TRPC3: variants seen among roughly 807,000 people sequenced by gnomAD.
TRPC3 encodes the protein short transient receptor potential channel 3.
Under a neutral mutation model 90.9 loss-of-function variants are expected in TRPC3, and 54 were observed. The ratio of observed to expected loss-of-function variants is 0.59; its 90% confidence interval spans 0.48 to 0.75. The LOEUF (loss-of-function observed/expected upper bound fraction) is 0.75, where lower values mean the gene tolerates loss of function less well. Among genes scored for constraint, TRPC3 ranks in the 30% least tolerant of loss-of-function variants. The pLI is 0.00. For missense variants in TRPC3, 918 were observed against 1,194.5 expected (o/e 0.77, Z 3.41); for synonymous variants, 424 against 450.9 (o/e 0.94, Z 0.75).
Position 121,925,040 on chromosome 4 carries a change from G to A in TRPC3, c.1154C>T (p.Ala385Val), listed in dbSNP as rs1341350969. ...HKASLSRVKL[A>V]IKYEVKKFVA... The stretch of plus-strand genomic sequence containing the variant: ...CACCTTTTTGACTTCATACTTAATG[G>A]CAAGTTTGACACGACTTAATGAAGC... The change falls in exon 3 of 12, where the codon GCC (alanine) becomes GTC (valine). Residue 385 changes from alanine (A) to valine (V), a missense_variant. Ala to Val is a moderately conservative substitution (Grantham distance 64, BLOSUM62 0). Coordinates refer to ENST00000379645, the MANE Select transcript of TRPC3 (RefSeq NM_001130698.2). 6.2e-7 allele frequency: 1 copy of A among 1,612,508 alleles called. No individual in the cohort carries two copies. The highest frequency in any genetic ancestry group is 8.5e-7 in the Non-Finnish European group (1 of 1,179,436).
chr4:121,888,732 C>A (rs530206646), intron 10 of TRPC3, among the ~76,000 whole-genome samples: 167 of 152,084 alleles, frequency 1.1e-3, no homozygotes, highest in Admixed American at 5.0e-3. Flanking sequence ...TAAGTCTTAC[C>A]TATTATAATC....
rs1407885910 is a variant in TRPC3 at position 121,874,659 on chromosome 4, CT to C, written c.*5076del. 6.6e-6 allele frequency among the ~76,000 whole-genome samples: 1 copy of C among 152,164 alleles called. No individual in the cohort carries two copies. Among genetic ancestry groups the C allele is most frequent in the Non-Finnish European group, 1.5e-5 (1 of 68,026 alleles). On this transcript the variant is annotated 3_prime_UTR_variant, in exon 12 of 12. Transcript: ENST00000379645. Reference sequence around the variant, plus strand: ...TATGTCTGTCTGTGTCTCATCTTGTCTTTTTATAAGCACACCAGTCATATTA... The same window carrying C: ...TATGTCTGTCTGTGTCTCATCTTGTCTTTTATAAGCACACCAGTCATATTA...
At chr4:121,882,003 T>C (rs1727959642) in intron 11 of TRPC3, among the ~76,000 whole-genome samples, 1 of 152,128 alleles carries the variant, frequency 6.6e-6, no homozygotes, top group African/African-American at 2.4e-5. Context: ...TTTTATCTGC[T>C]TAACTGGAAA....
At chr4:121,926,929 G>A (rs1405638066) in intron 2 of TRPC3, among the ~76,000 whole-genome samples, 2 of 152,170 alleles carry the variant, frequency 1.3e-5, no homozygotes, top group Non-Finnish European at 2.9e-5. Context: ...AGCAATCTCT[G>A]TGTGTTTTCA....
chr4:121,910,920 G>T (rs1346849961), intron 5 of TRPC3, among the ~76,000 whole-genome samples: 1 of 152,052 alleles, frequency 6.6e-6, no homozygotes, highest in Non-Finnish European at 1.5e-5. Flanking sequence ...AATATCGTTT[G>T]AAAAAGATGA....
At chr4:121,883,456 C>T (rs547667181) in intron 10 of TRPC3, among the ~76,000 whole-genome samples, 1 of 152,008 alleles carries the variant, frequency 6.6e-6, no homozygotes, top group South Asian at 2.1e-4. Flanking sequence ...TCAAATAACC[C>T]GATTTTAAAA....
At chr4:121,948,185 A>AAC (rs1730558103) in intron 1 of TRPC3, among the ~76,000 whole-genome samples, 1 of 151,882 alleles carries the variant, frequency 6.6e-6, no homozygotes, top group Admixed American at 6.6e-5. Context: ...AAGAAAAAAA[A>AAC]AAAAAACAAA....
intron 1 of TRPC3, among the ~76,000 whole-genome samples, chr4:121,948,767 G>T (rs897605855): frequency 1.3e-5 from 2 of 151,550 alleles, no homozygotes; most frequent in African/African-American, 4.9e-5. Context: ...GGCCCATAAA[G>T]GTTTCCTTGA....
intron 3 of TRPC3, among the ~76,000 whole-genome samples, chr4:121,916,538 G>A (rs1729323908): frequency 1.3e-5 from 2 of 152,146 alleles, no homozygotes; most frequent in Admixed American, 1.3e-4. Flanking sequence ...TCATGAGGGA[G>A]GAGCCTTCAT....
chr4:121,913,411 C>G (rs1255041964), intron 4 of TRPC3, among the ~76,000 whole-genome samples: 1 of 152,174 alleles, frequency 6.6e-6, no homozygotes, highest in Non-Finnish European at 1.5e-5. Context: ...TACGGCAGCT[C>G]TAAACATGGG....
chr4:121,885,582 A>G (rs1424630956), intron 10 of TRPC3, among the ~76,000 whole-genome samples: 1 of 152,186 alleles, frequency 6.6e-6, no homozygotes, highest in Admixed American at 6.5e-5. Flanking sequence ...CTCAAATAAT[A>G]TAACTATTAT....
intron 10 of TRPC3, among the ~76,000 whole-genome samples, chr4:121,894,494 C>T (rs1728441151): frequency 1.3e-5 from 2 of 150,226 alleles, no homozygotes; most frequent in African/African-American, 2.4e-5. Flanking sequence ...TACACCAAGA[C>T]CAATGGACCA....
Position 121,951,784 on chromosome 4 carries a change from TCCGGGGCC to T in TRPC3, c.-112_-105del. ...CGCCCCTTCACCACCTCCCGCGGCTTCCGGGGCCCCGGGCGGCCCAGGGCGGGAAGGCA... is the reference window on the plus strand; with the variant it reads ...CGCCCCTTCACCACCTCCCGCGGCTTCCGGGCGGCCCAGGGCGGGAAGGCA... On this transcript the variant is annotated 5_prime_UTR_variant, in exon 1 of 12. Transcript: ENST00000379645. This position sits in a 1 kb window ranked among gnomAD's most constrained non-coding sequence, Gnocchi z 4.4. 1.4e-5 allele frequency: 14 copies of T among 1,005,008 alleles called. No homozygotes were observed. The highest frequency in any genetic ancestry group is 1.8e-5 in the Non-Finnish European group (14 of 763,096). The allele number at this position is 1,005,008 out of a possible 1,614,324, so 62.3% of individuals were successfully genotyped here.
chr4:121,925,280 G>C, intron 2 of TRPC3, 74 bp from the exon 3 acceptor site: 1 of 1,455,390 alleles, frequency 6.9e-7, no homozygotes, highest in South Asian at 1.4e-5. Context: ...GGGTGAATTA[G>C]AAAAAGGTAT....
intron 3 of TRPC3, among the ~76,000 whole-genome samples, chr4:121,923,298 C>T (rs996566856): frequency 6.6e-6 from 1 of 152,154 alleles, no homozygotes; most frequent in African/African-American, 2.4e-5. Context: ...CAGCACTGTG[C>T]CTGGTTCTGG....
In TRPC3 at chr4:121,914,836, C is replaced by G; in HGVS notation, c.1285G>C (p.Val429Leu). ...IAIKCLVVLV[V>L]ALGLPFLAIG... ...GCCAGGAATGGAAGGCCCAGGGCCA[C>G]GACCAGCACAACGAGACACTTGATA... Residue 429 changes from valine to leucine, a missense_variant, in exon 4 of 12, where the codon GTG becomes CTG. Coordinates refer to ENST00000379645, the MANE Select transcript of TRPC3 (RefSeq NM_001130698.2). 2 of 1,613,618 alleles carry G rather than the reference C, an allele frequency of 1.2e-6. No individual in the cohort carries two copies. Among genetic ancestry groups the G allele is most frequent in the Non-Finnish European group, 1.7e-6 (2 of 1,179,660 alleles).
At position 121,945,629 on chromosome 4, in the gene TRPC3, G is replaced by A. The variant is rs138132882; in HGVS notation, c.215+5837C>T. 5.3e-5 allele frequency among the ~76,000 whole-genome samples: 8 copies of A among 152,264 alleles called. No homozygotes were observed. In the East Asian group the frequency reaches 1.5e-3, roughly 29 times the overall value. On this transcript the variant is annotated intron_variant, in intron 1 of 11. Transcript: ENST00000379645. Reference sequence around the variant, plus strand: ...GGCTGGAACCTAAAATGAGGGAATTGGCTATATAAAAAGTGCATAGAAACC... The same window carrying A: ...GGCTGGAACCTAAAATGAGGGAATTAGCTATATAAAAAGTGCATAGAAACC...
intron 1 of TRPC3, 167 bp from the exon 2 acceptor site, chr4:121,933,209 A>G: frequency 7.6e-7 from 1 of 1,315,774 alleles, no homozygotes. Flanking sequence ...TGAAAGTGAC[A>G]CCTGTGATCT....
chr4:121,913,637 G>A (rs1471746645), intron 4 of TRPC3, among the ~76,000 whole-genome samples: 1 of 151,896 alleles, frequency 6.6e-6, no homozygotes, highest in African/African-American at 2.4e-5. Flanking sequence ...AATTATTTGG[G>A]TAGGATATGA....
Sources: allele counts gnomAD v4.1 joint callset (sites outside exome capture counted in the v4.1 genomes callset), GRCh38; gene constraint gnomAD v4.1.1; non-coding constraint Gnocchi (gnomAD v3.1); transcripts MANE v1.5; gene names NCBI Gene and HGNC (gene_info 2026-07-23, HGNC 2026-07-21).